MCTP2: variants seen among roughly 807,000 people sequenced by gnomAD.
MCTP2 encodes the protein multiple C2 and transmembrane domain-containing protein 2.
A neutral mutation model predicts 111.6 loss-of-function variants in MCTP2; 132 were observed. The ratio of observed to expected loss-of-function variants is 1.18; its 90% confidence interval spans 1.03 to 1.37. MCTP2 has a LOEUF of 1.37. Ranked by LOEUF, MCTP2 falls within the 40% of genes most tolerant of loss-of-function variation. MCTP2 has a pLI of 0.00. For synonymous variants in MCTP2, 395 were observed against 387.7 expected (o/e 1.02, Z -0.22); for missense variants, 1,183 against 1,067.9 (o/e 1.11, Z -1.50).
At chr15:94,356,916 T>C (rs2078655745) in intron 9 of MCTP2, among the ~76,000 whole-genome samples, 1 of 152,206 alleles carries the variant, frequency 6.6e-6, no homozygotes, top group Admixed American at 6.5e-5. Context: ...GGATTTTATT[T>C]CAAAAACTAT....
At position 94,437,030 on chromosome 15, in the gene MCTP2, A is replaced by G. The variant is rs141404159; in HGVS notation, c.2086-3146A>G. ...AGAAAATTATAGGAACAGATTATATATTTGACATTATAAAACTTTAAATAA... is the reference window on the plus strand; with the variant it reads ...AGAAAATTATAGGAACAGATTATATGTTTGACATTATAAAACTTTAAATAA... On this transcript the variant is annotated intron_variant, in intron 17 of 22. Transcript: ENST00000357742. 4.7e-3 allele frequency among the ~76,000 whole-genome samples: 711 copies of G among 151,890 alleles called. 5 individuals are homozygous for G. The highest frequency in any genetic ancestry group is 0.016 in the African/African-American group (652 of 41,530).
rs1398608165 is a variant in MCTP2 at position 94,447,725 on chromosome 15, G to A, written c.2250+4765G>A. Among the ~76,000 whole-genome samples, 3 of 152,174 alleles carry A rather than the reference G, an allele frequency of 2.0e-5. No homozygotes were observed. In the East Asian group the frequency reaches 5.8e-4, roughly 29 times the overall value. On this transcript the variant is annotated intron_variant, in intron 19 of 22. Transcript: ENST00000357742. ...CTAAAACAGTAAATTGGTTAGATTA[G>A]TAATTTTTTAAACTATGACATAAGC...
At chr15:94,415,634 C>T (rs978958770) in intron 17 of MCTP2, among the ~76,000 whole-genome samples, 1 of 151,916 alleles carries the variant, frequency 6.6e-6, no homozygotes, top group Non-Finnish European at 1.5e-5. Context: ...CGGTGCGTCC[C>T]CCCAACCTCA....
At chr15:94,429,381 A>G (rs1464758497) in intron 17 of MCTP2, among the ~76,000 whole-genome samples, 1 of 152,118 alleles carries the variant, frequency 6.6e-6, no homozygotes, top group Non-Finnish European at 1.5e-5. Flanking sequence ...AAACCCTTTC[A>G]AAGAGTTATG....
rs1596888889 is a variant in MCTP2 at position 94,480,747 on chromosome 15, C to T, written c.*1713C>T. Reference sequence around the variant, plus strand: ...GATCAGTCATTTGAATGAAAACTTTCAGCAGCAAAATAACCCCTTATTTAT... The same window carrying T: ...GATCAGTCATTTGAATGAAAACTTTTAGCAGCAAAATAACCCCTTATTTAT... On this transcript the variant is annotated 3_prime_UTR_variant, in exon 23 of 23. Transcript: ENST00000357742. The T allele has an allele frequency of 6.6e-6, 1 of 152,208 alleles. No homozygotes were observed. The highest frequency in any genetic ancestry group is 2.4e-5 in the African/African-American group (1 of 41,452). The allele number at this position is 152,208 out of a possible 1,614,324, so 9.4% of individuals were successfully genotyped here. A position where few individuals can be genotyped will look rare whatever the true frequency, so the allele number is the denominator to read the frequency against.
intron 1 of MCTP2, among the ~76,000 whole-genome samples, chr15:94,279,027 G>A (rs113259298): frequency 6.6e-6 from 1 of 152,198 alleles, no homozygotes; most frequent in Non-Finnish European, 1.5e-5. Context: ...TAGCCTTGCA[G>A]TATAGTTTGA....
At chr15:94,449,123 G>A (rs293579) in intron 19 of MCTP2, among the ~76,000 whole-genome samples, 10,699 of 152,128 alleles carry the variant, frequency 0.07, 521 homozygotes, top group East Asian at 0.15. Context: ...ATAGAAAGGG[G>A]GGATACCACT....
chr15:94,340,673 C>A, intron 6 of MCTP2, 140 bp from the exon 7 acceptor site: 1 of 563,376 alleles, frequency 1.8e-6, no homozygotes, highest in Non-Finnish European at 3.1e-6. Flanking sequence ...GTTTTATTTT[C>A]ACTAAATTTT....
chr15:94,307,528 G>T (rs925511089), intron 2 of MCTP2, among the ~76,000 whole-genome samples: 1 of 152,182 alleles, frequency 6.6e-6, no homozygotes, highest in African/African-American at 2.4e-5. Context: ...TGGCAGAGAA[G>T]TGAACAGAAG....
At chr15:94,257,566 G>GTTTTTTTTTTTTTT (rs1220635423) in intron 1 of MCTP2, among the ~76,000 whole-genome samples, 8 of 73,002 alleles carry the variant, frequency 1.1e-4, no homozygotes, top group Admixed American at 1.6e-4. Context: ...CATTTTCTTT[G>GTTTTTTTTTTTTTT]TTGTTTTTTT....
At chr15:94,320,411 G>C (rs1313408449) in intron 4 of MCTP2, among the ~76,000 whole-genome samples, 1 of 152,092 alleles carries the variant, frequency 6.6e-6, no homozygotes, top group African/African-American at 2.4e-5. Flanking sequence ...AAAGTGCTGG[G>C]ATTACAGCTG....
chr15:94,456,992 A>G (rs1567746775), intron 19 of MCTP2, among the ~76,000 whole-genome samples: 1 of 152,262 alleles, frequency 6.6e-6, no homozygotes, highest in South Asian at 2.1e-4. Context: ...AACAAAGGAT[A>G]CAAGAGGAAA....
Position 94,414,359 on chromosome 15 carries a change from G to A in MCTP2, c.2085+12340G>A, listed in dbSNP as rs562318452. 3.2e-4 allele frequency among the ~76,000 whole-genome samples: 48 copies of A among 152,244 alleles called. No homozygotes were observed. In the South Asian group the frequency reaches 7.5e-3, roughly 24 times the overall value. On this transcript the variant is annotated intron_variant, in intron 17 of 22. Transcript: ENST00000357742. ...ATTGTTCTTCCAATTACTCATGAGGGAGAGGAGTGGAATGCAAGTCAGACA... is the reference window on the plus strand; with the variant it reads ...ATTGTTCTTCCAATTACTCATGAGGAAGAGGAGTGGAATGCAAGTCAGACA...
At chr15:94,286,001 T>G (rs1487427725) in intron 1 of MCTP2, among the ~76,000 whole-genome samples, 2 of 152,230 alleles carry the variant, frequency 1.3e-5, no homozygotes, top group Non-Finnish European at 2.9e-5. Flanking sequence ...ATGAAATGAT[T>G]CTCCACCTGT....
chr15:94,280,330 A>G (rs1277992095), intron 1 of MCTP2, among the ~76,000 whole-genome samples: 1 of 151,360 alleles, frequency 6.6e-6, no homozygotes, highest in Non-Finnish European at 1.5e-5. Context: ...TCTTGGTTCA[A>G]TCTTGGGAGG....
intron 22 of MCTP2, among the ~76,000 whole-genome samples, chr15:94,478,292 A>G (rs551909884): frequency 6.6e-5 from 10 of 152,232 alleles, no homozygotes; most frequent in South Asian, 2.1e-4. Flanking sequence ...TGGAGATGGC[A>G]TGAACACAGA....
intron 1 of MCTP2, among the ~76,000 whole-genome samples, chr15:94,296,871 G>T (rs2075299126): frequency 6.6e-6 from 1 of 152,300 alleles, no homozygotes. Context: ...CCTGGGAGAA[G>T]CTCTTGTCAT....
At chr15:94,449,086 T>G (rs2152518454) in intron 19 of MCTP2, among the ~76,000 whole-genome samples, 1 of 152,236 alleles carries the variant, frequency 6.6e-6, no homozygotes, top group African/African-American at 2.4e-5. Flanking sequence ...ACTCACCCAA[T>G]TATCCAATGA....
At chr15:94,247,008 A>G (rs77416829) in intron 1 of MCTP2, among the ~76,000 whole-genome samples, 6,544 of 152,272 alleles carry the variant, frequency 0.043, 215 homozygotes, top group Admixed American at 0.081. Context: ...GGCAAATGTC[A>G]TGTTAATGCA....
Sources: allele counts gnomAD v4.1 joint callset (sites outside exome capture counted in the v4.1 genomes callset), GRCh38; gene constraint gnomAD v4.1.1; transcripts MANE v1.5; gene names NCBI Gene and HGNC (gene_info 2026-07-23, HGNC 2026-07-21).